The following EIF4G3 variants were observed in gnomAD, a reference collection of about 807,000 sequenced individuals.
EIF4G3 encodes the protein eIF-4-gamma 3.
A neutral mutation model predicts 186.4 loss-of-function variants in EIF4G3; 34 were observed. The ratio of observed to expected loss-of-function variants is 0.18; its 90% CI spans 0.14 to 0.24. The LOEUF is 0.24. Among genes scored for constraint, EIF4G3 ranks in the 10% least tolerant of loss-of-function variants. EIF4G3 has a pLI of 1.00. For missense variants in EIF4G3, 1,536 were observed against 1,948.5 expected (o/e 0.79, Z 3.99); for synonymous variants, 673 against 679.5 (o/e 0.99, Z 0.15).
intron 14 of EIF4G3, among the ~76,000 whole-genome samples, chr1:20,916,969 C>G (rs529106524): frequency 1.3e-4 from 20 of 152,278 alleles, no homozygotes; most frequent in African/African-American, 4.6e-4. Flanking sequence ...CTATATATAA[C>G]CCTGCCATTT....
intron 4 of EIF4G3, among the ~76,000 whole-genome samples, chr1:21,034,850 C>T (rs1313237626): frequency 1.3e-5 from 2 of 152,180 alleles, no homozygotes; most frequent in African/African-American, 4.8e-5. Context: ...TCTGCTGAGC[C>T]TGGCACTCCT....
intron 2 of EIF4G3, among the ~76,000 whole-genome samples, chr1:21,114,828 G>T (rs747109610): frequency 6.6e-6 from 1 of 152,188 alleles, no homozygotes; most frequent in African/African-American, 2.4e-5. Flanking sequence ...TTATTAGCTC[G>T]GTTTGGTACC....
At position 21,120,455 on chromosome 1, in the gene EIF4G3, T is replaced by A. The variant is rs1461747124; in HGVS notation, c.-271-31242A>T. Among the ~76,000 whole-genome samples the A allele has an allele frequency of 2.0e-5, 3 of 151,696 alleles. No individual in the cohort carries two copies. The East Asian group carries it at 5.8e-4, about 29-fold the overall frequency. On this transcript the variant is annotated intron_variant, in intron 2 of 36. Coordinates refer to ENST00000602326, the MANE Select transcript of EIF4G3 (RefSeq NM_001391906.1). ...CCAGCCTGGCTAATGTGGTGAAACC[T>A]CGTCTCTACTAAAAATAGAAAAATT...
At chr1:20,884,595 T>G (rs967018325) in intron 19 of EIF4G3, among the ~76,000 whole-genome samples, 2 of 152,198 alleles carry the variant, frequency 1.3e-5, no homozygotes, top group African/African-American at 4.8e-5. Flanking sequence ...TTTTTTCTTT[T>G]TTCCAAAAAA....
At chr1:21,077,412 A>G (rs1359860438) in intron 3 of EIF4G3, among the ~76,000 whole-genome samples, 2 of 151,900 alleles carry the variant, frequency 1.3e-5, no homozygotes, top group Non-Finnish European at 2.9e-5. Flanking sequence ...AAAAAAAAAA[A>G]AAGAAAAAAA....
intron 4 of EIF4G3, among the ~76,000 whole-genome samples, chr1:21,004,321 T>C (rs2084440074): frequency 6.6e-6 from 1 of 152,214 alleles, no homozygotes; most frequent in Admixed American, 6.5e-5. Context: ...AAGCTTTTCA[T>C]TGTAAATCCA....
chr1:20,842,832 G>A (rs1242797664), intron 29 of EIF4G3, among the ~76,000 whole-genome samples: 1 of 150,304 alleles, frequency 6.7e-6, no homozygotes, highest in Non-Finnish European at 1.5e-5. Flanking sequence ...CTTCATCCTT[G>A]TGGGTCTTTT....
chr1:21,125,848 T>C (rs1302340740), intron 2 of EIF4G3, among the ~76,000 whole-genome samples: 1 of 151,228 alleles, frequency 6.6e-6, no homozygotes, highest in Non-Finnish European at 1.5e-5. Flanking sequence ...TCTATGCACA[T>C]TAATTCATTT....
intron 2 of EIF4G3, among the ~76,000 whole-genome samples, chr1:21,152,607 G>C (rs2097570863): frequency 6.6e-6 from 1 of 152,100 alleles, no homozygotes; most frequent in Admixed American, 6.6e-5. Context: ...CAGTGAGCTG[G>C]TATCTACTAC....
At chr1:20,955,268 G>A (rs573278032) in intron 12 of EIF4G3, among the ~76,000 whole-genome samples, 75 of 151,160 alleles carry the variant, frequency 5.0e-4, no homozygotes, top group Non-Finnish European at 9.1e-4. Context: ...ATCTCACTCT[G>A]TCACCTTGGC....
intron 2 of EIF4G3, among the ~76,000 whole-genome samples, chr1:21,099,239 T>C (rs760931944): frequency 6.6e-6 from 1 of 152,174 alleles, no homozygotes; most frequent in Non-Finnish European, 1.5e-5. Flanking sequence ...ACACTAACCA[T>C]ATGACTCAGC....
chr1:21,156,599 T>A (rs1403689481), intron 2 of EIF4G3, among the ~76,000 whole-genome samples: 1 of 152,236 alleles, frequency 6.6e-6, no homozygotes, highest in Non-Finnish European at 1.5e-5. Context: ...TTTCTTACTC[T>A]ATCAATGACA....
intron 4 of EIF4G3, among the ~76,000 whole-genome samples, chr1:21,030,366 G>A (rs2092627411): frequency 6.6e-6 from 1 of 152,186 alleles, no homozygotes; most frequent in Admixed American, 6.5e-5. Flanking sequence ...GTGAATGGGT[G>A]TCACGTGATC....
intron 14 of EIF4G3, among the ~76,000 whole-genome samples, chr1:20,938,556 G>A (rs900754333): frequency 1.3e-5 from 2 of 152,050 alleles, no homozygotes; most frequent in African/African-American, 2.4e-5. Flanking sequence ...AGACTGTTTT[G>A]GTGTTACAAT....
intron 12 of EIF4G3, among the ~76,000 whole-genome samples, chr1:20,957,929 G>A (rs1337209867): frequency 2.0e-5 from 3 of 151,950 alleles, no homozygotes; most frequent in Non-Finnish European, 4.4e-5. Flanking sequence ...CACAAAAAAA[G>A]CCTGGACCAG....
chr1:20,963,611 GA>G (rs964361203), intron 12 of EIF4G3, among the ~76,000 whole-genome samples: 1 of 151,984 alleles, frequency 6.6e-6, no homozygotes, highest in African/African-American at 2.4e-5. Flanking sequence ...AAGCAGGGGG[GA>G]AAAAGAGTAT....
chr1:20,915,393 TA>T (rs911869111), intron 14 of EIF4G3, among the ~76,000 whole-genome samples: 1 of 151,768 alleles, frequency 6.6e-6, no homozygotes, highest in Admixed American at 6.6e-5. Context: ...CCCAGATACC[TA>T]AACATGACAA....
chr1:20,967,157 T>C (rs889463817), intron 12 of EIF4G3, among the ~76,000 whole-genome samples: 2 of 151,790 alleles, frequency 1.3e-5, no homozygotes, highest in African/African-American at 4.8e-5. Flanking sequence ...CAGAAGAGGG[T>C]GGGAACCAAG....
intron 10 of EIF4G3, among the ~76,000 whole-genome samples, chr1:20,978,370 T>C (rs892900094): frequency 4.6e-5 from 7 of 152,208 alleles, no homozygotes; most frequent in African/African-American, 1.7e-4. Context: ...ATAGTAATGA[T>C]ACAACTTAAT....
Sources: allele counts gnomAD v4.1 joint callset (sites outside exome capture counted in the v4.1 genomes callset), GRCh38; gene constraint gnomAD v4.1.1; transcripts MANE v1.5; gene names NCBI Gene and HGNC (gene_info 2026-07-23, HGNC 2026-07-21).